The following ANKRD18A variants were observed in gnomAD, a reference collection of about 807,000 sequenced individuals.
ANKRD18A encodes ankyrin repeat domain-containing protein 18A.
ANKRD18A carries 72 observed loss-of-function variants against 110.6 expected under a neutral mutation model. The observed-to-expected ratio is 0.65, with a 90% confidence interval of 0.54 to 0.79. The LOEUF (loss-of-function observed/expected upper bound fraction) is 0.79, where lower values mean the gene tolerates loss of function less well. Ranked by LOEUF, ANKRD18A falls within the 30% of genes least tolerant of loss-of-function variation. The pLI is 0.00. For missense variants in ANKRD18A, 934 were observed against 1,163.3 expected, an observed-to-expected ratio of 0.80 and a Z score of 2.87; for synonymous variants, 305 against 410.3, an observed-to-expected ratio of 0.74 and a Z score of 3.10.
intron 4 of ANKRD18A, 110 bp from the exon 5 acceptor site, chr9:38,610,520 T>C (rs1204735531): frequency 7.1e-7 from 1 of 1,407,012 alleles, no homozygotes; most frequent in Non-Finnish European, 9.4e-7. Context: ...ATAGACATAA[T>C]AACCATTTAC....
intron 13 of ANKRD18A, 103 bp from the exon 14 acceptor site, chr9:38,577,367 G>A (rs758971225): frequency 2.0e-4 from 240 of 1,206,394 alleles, no homozygotes; most frequent in Admixed American, 3.1e-4. Context: ...GCAATTTTGA[G>A]TATGTTGAAA....
At chr9:38,618,448 C>A (rs1033826558) in intron 1 of ANKRD18A, among the ~76,000 whole-genome samples, 1 of 152,154 alleles carries the variant, frequency 6.6e-6, no homozygotes, top group African/African-American at 2.4e-5. Flanking sequence ...CCTTCAATGG[C>A]CACATACCAT....
intron 12 of ANKRD18A, among the ~76,000 whole-genome samples, chr9:38,583,718 G>A (rs1436621399): frequency 1.3e-5 from 2 of 152,162 alleles, no homozygotes; most frequent in African/African-American, 4.8e-5. Context: ...GAGTCAAAAA[G>A]TGGAAAGAAC....
chr9:38,604,146 A>C (rs1825251108), intron 6 of ANKRD18A: 1 of 150,838 alleles, frequency 6.6e-6, no homozygotes, highest in African/African-American at 2.4e-5. Context: ...AAAAATACAA[A>C]AATTACCTGG....
chr9:38,571,907 T>G lies in ANKRD18A; in HGVS notation c.*138A>C. ...ATATTATATGAGAAACAATTAAAAT[T>G]TCATGTAAATAGCCCAGTAATAAAG... On this transcript the variant is annotated 3_prime_UTR_variant, in exon 16 of 16. Transcript: ENST00000399703. 1 of 1,417,268 alleles carries G rather than the reference T, an allele frequency of 7.1e-7. No homozygotes were observed. The highest frequency in any genetic ancestry group is 9.3e-7 in the Non-Finnish European group (1 of 1,077,328). The allele number at this position is 1,417,268 out of a possible 1,614,324, so 87.8% of individuals were successfully genotyped here. A position where few individuals can be genotyped will look rare whatever the true frequency, so the allele number is the denominator to read the frequency against.
At position 38,593,857 on chromosome 9, in the gene ANKRD18A, GA is replaced by G; in HGVS notation, c.1906del (p.Ser636GlnfsTer17). 1.3e-6 allele frequency: 2 copies of G among 1,538,002 alleles called. No individual in the cohort carries two copies. The highest frequency in any genetic ancestry group is 1.2e-5 in the South Asian group (1 of 80,038). On this transcript the variant is annotated frameshift_variant, in exon 10 of 16. Coordinates refer to ENST00000399703, the MANE Select transcript of ANKRD18A (RefSeq NM_147195.4). LOFTEE classifies it high-confidence loss of function. ...EELVDHLKTFSISESPLEGTS... is the reference protein window; with the variant it reads ...EELVDHLKTFXISESPLEGTS... ...ACCTTCCAGTGGAGACTCTGATATT[GA>G]AAATGTTTTAAGGTGATCGACCAGT...
chr9:38,593,601 C>G (rs1824747713), intron 10 of ANKRD18A, among the ~76,000 whole-genome samples, 159 bp downstream of exon 10: 1 of 151,956 alleles, frequency 6.6e-6, no homozygotes, highest in Non-Finnish European at 1.5e-5. Context: ...AGAACAAGAG[C>G]CAGAGTTGAA....
At chr9:38,602,596 A>G (rs552188704) in intron 7 of ANKRD18A, among the ~76,000 whole-genome samples, 135 of 152,362 alleles carry the variant, frequency 8.9e-4, no homozygotes, top group African/African-American at 3.0e-3. Context: ...AAATTTTTTA[A>G]AAAAGCAAAA....
chr9:38,592,280 G>C (rs911932679), intron 10 of ANKRD18A, among the ~76,000 whole-genome samples: 3 of 152,196 alleles, frequency 2.0e-5, no homozygotes, highest in African/African-American at 7.2e-5. Flanking sequence ...ATTTATAGAA[G>C]GATAGGCGAC....
At chr9:38,567,983 G>A (rs1823521106), downstream of ANKRD18A, 1 of 152,232 alleles carries the variant, frequency 6.6e-6, no homozygotes, top group Admixed American at 6.5e-5. Flanking sequence ...GTGGGCTCAG[G>A]GTCAGGAAGA....
intron 1 of ANKRD18A, among the ~76,000 whole-genome samples, chr9:38,616,762 A>T (rs1365471835): frequency 1.3e-5 from 2 of 152,212 alleles, no homozygotes; most frequent in African/African-American, 4.8e-5. Flanking sequence ...GCCAGATGTT[A>T]TAATTATATT....
Position 38,575,609 on chromosome 9 carries a change from G to C in ANKRD18A, c.2831C>G (p.Pro944Arg). ...KYFLSTLPTR[P>R]EPELPCVENL... is the part of the protein sequence containing the mutation. ...TTCAACACAAGGTAACTCTGGTTCT[G>C]GCCTTGTAGGAAGAGTGCTGAGAAA... is the stretch of plus-strand genomic sequence containing the variant. The change falls in exon 15 of 16, where the codon CCA becomes CGA. Residue 944 changes from proline to arginine, a missense_variant. This residue lies in a region of ANKRD18A where 223 missense variants were observed against 226.7 expected (regional missense o/e 0.98). Coordinates refer to ENST00000399703, the MANE Select transcript of ANKRD18A (RefSeq NM_147195.4). 3 of 1,551,616 alleles carry C rather than the reference G, an allele frequency of 1.9e-6. No individual in the cohort carries two copies. Among genetic ancestry groups the C allele is most frequent in the Non-Finnish European group, 1.7e-6 (2 of 1,146,836 alleles).
At chr9:38,583,720 G>A (rs941524019) in intron 12 of ANKRD18A, among the ~76,000 whole-genome samples, 1 of 152,104 alleles carries the variant, frequency 6.6e-6, no homozygotes, top group Non-Finnish European at 1.5e-5. Context: ...GTCAAAAAGT[G>A]GAAAGAACCC....
chr9:38,590,110 T>G (rs1264069571), intron 10 of ANKRD18A, among the ~76,000 whole-genome samples: 1 of 152,174 alleles, frequency 6.6e-6, no homozygotes, highest in Non-Finnish European at 1.5e-5. Flanking sequence ...GTCTCACCCT[T>G]AGGATATTCA....
chr9:38,598,858 G>C (rs1214897243), intron 8 of ANKRD18A, among the ~76,000 whole-genome samples: 1 of 152,200 alleles, frequency 6.6e-6, no homozygotes, highest in Non-Finnish European at 1.5e-5. Context: ...AAATACTGTA[G>C]CTTTCTATTC....
downstream of ANKRD18A, chr9:38,566,510 C>G (rs1587470655): frequency 1.3e-5 from 2 of 152,210 alleles, no homozygotes; most frequent in East Asian, 3.8e-4. Flanking sequence ...ATGGTCCAAA[C>G]CTTCTCATCT....
chr9:38,607,239 T>G (rs1319495957), intron 6 of ANKRD18A, among the ~76,000 whole-genome samples, 187 bp downstream of exon 6: 2 of 152,150 alleles, frequency 1.3e-5, no homozygotes, highest in African/African-American at 4.8e-5. Flanking sequence ...GTATTTTTAG[T>G]AGACATGGGG....
chr9:38,568,970 G>A (rs1187556851), downstream of ANKRD18A: 1 of 985,260 alleles, frequency 1.0e-6, no homozygotes, highest in African/African-American at 1.7e-5. Flanking sequence ...TTCCCTCCAG[G>A]GACATCAAAG....
At position 38,616,054 on chromosome 9, in the gene ANKRD18A, C is replaced by T. The variant is rs758818927; in HGVS notation, c.207-10G>A. 7 of 1,532,662 alleles carry T rather than the reference C, an allele frequency of 4.6e-6. No individual in the cohort carries two copies. Among genetic ancestry groups the T allele is most frequent in the South Asian group, 2.5e-5 (2 of 79,314 alleles). The allele number at this position is 1,532,662 out of a possible 1,614,324, so 94.9% of individuals were successfully genotyped here. On this transcript the variant is annotated splice_polypyrimidine_tract_variant and intron_variant, in intron 1 of 15. Coordinates refer to ENST00000399703, the MANE Select transcript of ANKRD18A (RefSeq NM_147195.4). ...CAAATGTAGAACAGTCCTAGGAGAG[C>T]GAGAGGGGTTTTCAGGAAATGTAGT...
Sources: allele counts gnomAD v4.1 joint callset (sites outside exome capture counted in the v4.1 genomes callset), GRCh38; gene constraint gnomAD v4.1.1; regional missense constraint gnomAD v4.1.1; transcripts MANE v1.5; gene names NCBI Gene and HGNC (gene_info 2026-07-23, HGNC 2026-07-21).